Variants in TRIM22 observed in about 807,000 individuals in gnomAD.
TRIM22 encodes the protein tripartite motif containing 22, also known as E3 ubiquitin-protein ligase TRIM22.
TRIM22 carries 45 observed loss-of-function variants against 53.6 expected under a neutral mutation model. The ratio of observed to expected loss-of-function variants is 0.84; its 90% confidence interval spans 0.66 to 1.08. TRIM22 has a LOEUF of 1.08. TRIM22 is among the 50% of genes least tolerant of loss of function. The pLI is 0.00. For synonymous variants in TRIM22, 225 were observed against 216.6 expected, an observed-to-expected ratio of 1.04 and a Z score of -0.34; for missense variants, 616 against 590.9, an observed-to-expected ratio of 1.04 and a Z score of -0.44.
chr11:5,698,235 C>G (rs1056296103), intron 3 of TRIM22, 80 bp from the exon 4 acceptor site: 1 of 1,168,812 alleles, frequency 8.6e-7, no homozygotes, highest in Admixed American at 1.8e-5. Flanking sequence ...GAAAACTGTT[C>G]TTATCCTGTC....
rs112356668 is a variant in TRIM22, at chr11:5,698,559, T to G, written c.750+14T>G. 97,538 of 1,598,052 alleles carry G rather than the reference T, an allele frequency of 0.061. 3,399 individuals are homozygous for G. Among genetic ancestry groups the G allele is most frequent in the Middle Eastern group, 0.11 (639 of 5,772 alleles). ...GAGATGCTGCAGGTAAGACTTGGGATGGAGCACCTACGTAAGAGATTAGGG... is the reference window on the plus strand; with the variant it reads ...GAGATGCTGCAGGTAAGACTTGGGAGGGAGCACCTACGTAAGAGATTAGGG... On this transcript the variant is annotated intron_variant, in intron 4 of 7. Coordinates refer to ENST00000379965, the MANE Select transcript of TRIM22 (RefSeq NM_006074.5).
chr11:5,710,809 T>C lies in TRIM22; in HGVS notation c.*1161T>C, dbSNP rs1853548967. On this transcript the variant is annotated 3_prime_UTR_variant, in exon 8 of 8. Transcript: ENST00000379965. ...GCCATTTCAATGTCTTGGGAAACAA[T>C]TTTTTGTTTTTGTTCTGTTTTCTTT... 6.6e-6 allele frequency: 1 copy of C among 152,204 alleles called. No individual in the cohort carries two copies. The highest frequency in any genetic ancestry group is 2.4e-5 in the African/African-American group (1 of 41,460). 9.4% of individuals were successfully genotyped at this position (152,204 alleles called of 1,614,324 possible).
intron 1 of TRIM22, among the ~76,000 whole-genome samples, chr11:5,690,597 A>G (rs1242414118): frequency 6.6e-6 from 1 of 152,188 alleles, no homozygotes; most frequent in East Asian, 1.9e-4. Context: ...AGAGAAGAGA[A>G]GAAAAGTGAA....
intron 4 of TRIM22, among the ~76,000 whole-genome samples, chr11:5,703,664 C>T (rs1188824421): frequency 6.9e-6 from 1 of 145,750 alleles, no homozygotes; most frequent in Non-Finnish European, 1.5e-5. Context: ...GGACTACAGG[C>T]ATGAGCCACC....
At chr11:5,697,224 T>A in intron 2 of TRIM22, 24 bp from the exon 3 acceptor site, 1 of 1,565,200 alleles carries the variant, frequency 6.4e-7, no homozygotes, top group South Asian at 1.2e-5. Context: ...ATAACTTTAC[T>A]CTGGTATAAT....
At chr11:5,698,658 T>A in intron 4 of TRIM22, 113 bp downstream of exon 4, 1 of 886,748 alleles carries the variant, frequency 1.1e-6, no homozygotes, top group Non-Finnish European at 1.7e-6. Context: ...ATGAAATGGT[T>A]CCTTTGGCCC....
intron 4 of TRIM22, among the ~76,000 whole-genome samples, chr11:5,705,836 A>C (rs542995119): frequency 6.6e-6 from 1 of 152,312 alleles, no homozygotes; most frequent in Non-Finnish European, 1.5e-5. Flanking sequence ...AGTAAGTTAC[A>C]TTTAAGACCT....
At chr11:5,704,618 A>AT (rs931426664) in intron 4 of TRIM22, among the ~76,000 whole-genome samples, 3 of 151,952 alleles carry the variant, frequency 2.0e-5, no homozygotes, top group Non-Finnish European at 4.4e-5. Context: ...CTTAAAAGTG[A>AT]TTTTTTTAAA....
At position 5,709,808 on chromosome 11, in the gene TRIM22, C is replaced by T; in HGVS notation, c.*160C>T. 1.5e-6 allele frequency: 1 copy of T among 658,464 alleles called. No individual in the cohort carries two copies. The highest frequency in any genetic ancestry group is 2.0e-5 in the South Asian group (1 of 48,784). The allele number at this position is 658,464 out of a possible 1,614,324, so 40.8% of individuals were successfully genotyped here. A position where few individuals can be genotyped will look rare whatever the true frequency, so the allele number is the denominator to read the frequency against. On this transcript the variant is annotated 3_prime_UTR_variant, in exon 8 of 8. Coordinates refer to ENST00000379965, the MANE Select transcript of TRIM22 (RefSeq NM_006074.5). ...ATTTGCTAGGGCTTCCATAGCAAAG[C>T]ATCATAGATTGCTGATTTAAACTGT...
intron 4 of TRIM22, among the ~76,000 whole-genome samples, chr11:5,701,115 T>A (rs540673340): frequency 6.6e-6 from 1 of 152,214 alleles, no homozygotes; most frequent in Non-Finnish European, 1.5e-5. Flanking sequence ...AACGTACTGT[T>A]GAGAATTTTT....
chr11:5,692,011 T>TA (rs1261844417), intron 1 of TRIM22, among the ~76,000 whole-genome samples: 3 of 151,906 alleles, frequency 2.0e-5, no homozygotes, highest in African/African-American at 7.3e-5. Context: ...ACAGGTATAG[T>TA]AAAAAAACAA....
intron 2 of TRIM22, 87 bp from the exon 3 acceptor site, chr11:5,697,159 TGA>T: frequency 1.0e-6 from 1 of 990,028 alleles, no homozygotes; most frequent in Non-Finnish European, 1.5e-6. Context: ...TAGTTTCTTC[TGA>T]GAGCCATCCA....
chr11:5,699,299 T>C (rs1056666043), intron 4 of TRIM22, among the ~76,000 whole-genome samples: 7 of 142,898 alleles, frequency 4.9e-5, no homozygotes, highest in East Asian at 2.0e-4. Context: ...CCGAGGCGGG[T>C]GGATCATGAG....
chr11:5,702,164 T>C (rs1482866947), intron 4 of TRIM22, among the ~76,000 whole-genome samples: 1 of 145,840 alleles, frequency 6.9e-6, no homozygotes, highest in Non-Finnish European at 1.5e-5. Flanking sequence ...ATTAGTTATA[T>C]ATTACATATA....
chr11:5,704,098 C>T (rs946339700), intron 4 of TRIM22, among the ~76,000 whole-genome samples: 2 of 152,184 alleles, frequency 1.3e-5, no homozygotes, highest in African/African-American at 4.8e-5. Context: ...TCTAAAAGAA[C>T]TTAAAACAGA....
In TRIM22 at chr11:5,709,528, C is replaced by T; in HGVS notation, c.1377C>T (p.Val459=). 1 of 1,614,090 alleles carries T rather than the reference C, an allele frequency of 6.2e-7. No homozygotes were observed. The highest frequency in any genetic ancestry group is 1.1e-5 in the South Asian group (1 of 91,074). ...CAGGCATTGTCTCATTTTTCAATGT[C>T]ACAAACCACGGAGCACTCATCTACA... is the stretch of plus-strand genomic sequence containing the variant. ...YEAGIVSFFN[V]TNHGALIYKF... The change falls in exon 8 of 8, where the codon GTC becomes GTT. Residue 459 remains valine (V), a synonymous_variant. Transcript: ENST00000379965.
In TRIM22 at chr11:5,710,120, A is replaced by G. The variant is rs1853536121; in HGVS notation, c.*472A>G. The G allele has an allele frequency of 6.5e-6, 1 of 153,790 alleles. No individual in the cohort carries two copies. The highest frequency in any genetic ancestry group is 2.4e-5 in the African/African-American group (1 of 41,464). 9.5% of individuals were successfully genotyped at this position (153,790 alleles called of 1,614,324 possible). ...CAAAGACCTTATTTCCAAATAAGAT[A>G]ATATTTGGAGGTATTGGGAATAAAA... is the stretch of plus-strand genomic sequence containing the variant. On this transcript the variant is annotated 3_prime_UTR_variant, in exon 8 of 8. Coordinates refer to ENST00000379965, the MANE Select transcript of TRIM22 (RefSeq NM_006074.5).
rs953628116 is a variant in TRIM22, at chr11:5,708,071, C to G, written c.774-102C>G. 3.3e-6 allele frequency: 3 copies of G among 916,666 alleles called. No homozygotes were observed. In the African/African-American group the frequency reaches 4.9e-5, roughly 15 times the overall value. The allele number at this position is 916,666 out of a possible 1,614,324, so 56.8% of individuals were successfully genotyped here. A position where few individuals can be genotyped will look rare whatever the true frequency, so the allele number is the denominator to read the frequency against. ...TCTACTGTCCTCAGGGAAGAGGGTCCAAGTGCGTCAGCAAGTATGGTGAAA... is the reference window on the plus strand; with the variant it reads ...TCTACTGTCCTCAGGGAAGAGGGTCGAAGTGCGTCAGCAAGTATGGTGAAA... On this transcript the variant is annotated intron_variant, in intron 5 of 7. Coordinates refer to ENST00000379965, the MANE Select transcript of TRIM22 (RefSeq NM_006074.5).
chr11:5,694,159 A>G (rs563016970), intron 1 of TRIM22, among the ~76,000 whole-genome samples: 3 of 152,360 alleles, frequency 2.0e-5, no homozygotes, highest in Non-Finnish European at 4.4e-5. Flanking sequence ...GCACATTCAC[A>G]CATTAGGATT....
Sources: allele counts gnomAD v4.1 joint callset (sites outside exome capture counted in the v4.1 genomes callset), GRCh38; gene constraint gnomAD v4.1.1; transcripts MANE v1.5; gene names NCBI Gene and HGNC (gene_info 2026-07-23, HGNC 2026-07-21).